Variants in SEMA3A observed in about 807,000 individuals in gnomAD.
SEMA3A encodes the protein semaphorin-3A.
SEMA3A carries 29 observed loss-of-function variants against 97.9 expected under a neutral mutation model. That is an observed-to-expected ratio of 0.30 (90% CI 0.22 to 0.40). SEMA3A has a LOEUF of 0.40. Among genes scored for constraint, SEMA3A ranks in the 10% least tolerant of loss-of-function variants. The pLI, the probability that SEMA3A is intolerant of heterozygous loss-of-function variation, is 1.00. For missense variants in SEMA3A, 763 were observed against 951.3 expected, an observed-to-expected ratio of 0.80 and a Z score of 2.60; for synonymous variants, 321 against 323.7, an observed-to-expected ratio of 0.99 and a Z score of 0.09.
At chr7:83,995,304 C>T (rs1209781254) in intron 12 of SEMA3A, among the ~76,000 whole-genome samples, 1 of 152,126 alleles carries the variant, frequency 6.6e-6, no homozygotes, top group Non-Finnish European at 1.5e-5. Flanking sequence ...GAGCTGTAGA[C>T]CGAAGCTGTT....
chr7:84,224,117 T>TAATTTAATC (rs1798938457), intron 3 of SEMA3A, among the ~76,000 whole-genome samples: 1 of 151,984 alleles, frequency 6.6e-6, no homozygotes, highest in African/African-American at 2.4e-5. Flanking sequence ...CCCCCATCTT[T>TAATTTAATC]AATTTAATCA....
intron 2 of SEMA3A, among the ~76,000 whole-genome samples, chr7:84,355,875 C>G (rs1044033005): frequency 6.6e-6 from 1 of 151,776 alleles, no homozygotes; most frequent in Non-Finnish European, 1.5e-5. Flanking sequence ...AACACATATT[C>G]CTTGGCCAAT....
At position 84,348,389 on chromosome 7, in the gene SEMA3A, G is replaced by GT. The variant is rs531933175; in HGVS notation, c.-169+23434dup. On this transcript the variant is annotated intron_variant, in intron 2 of 3. Coordinates refer to the SEMA3A transcript ENST00000424555. ...TCTCTTAGCATTAGCTAACATTTCT[G>GT]TTTACCTTTTTGGTTTAAGAGATTA... 2.6e-3 allele frequency among the ~76,000 whole-genome samples: 391 copies of GT among 152,078 alleles called. 1 individual carries two copies. Among genetic ancestry groups the GT allele is most frequent in the Middle Eastern group, 6.8e-3 (2 of 292 alleles).
intron 1 of SEMA3A, among the ~76,000 whole-genome samples, chr7:84,387,523 C>T (rs965452855): frequency 2.0e-5 from 3 of 152,052 alleles, no homozygotes; most frequent in South Asian, 2.1e-4. Context: ...AAAAACCTAA[C>T]GGTAATTATG....
intron 3 of SEMA3A, among the ~76,000 whole-genome samples, chr7:84,239,148 G>A (rs966406511): frequency 9.9e-5 from 15 of 152,036 alleles, no homozygotes; most frequent in Non-Finnish European, 1.8e-4. Context: ...ACATATTTCA[G>A]AATAGTCTGC....
intron 2 of SEMA3A, among the ~76,000 whole-genome samples, chr7:84,355,867 C>T (rs1262094766): frequency 6.6e-6 from 1 of 151,812 alleles, no homozygotes; most frequent in Non-Finnish European, 1.5e-5. Context: ...AATTTCTTAA[C>T]ACATATTCCT....
chr7:84,061,407 C>T (rs115190674), intron 4 of SEMA3A, among the ~76,000 whole-genome samples: 2,175 of 152,212 alleles, frequency 0.014, 51 homozygotes, highest in African/African-American at 0.05. Context: ...AATGTGTCTA[C>T]CTACTGCACT....
intron 3 of SEMA3A, among the ~76,000 whole-genome samples, chr7:84,254,867 ATGAAC>A (rs2115630377): frequency 6.6e-6 from 1 of 152,282 alleles, no homozygotes; most frequent in East Asian, 1.9e-4. Flanking sequence ...GCCTACACAT[ATGAAC>A]CAAAAGACAT....
intron 2 of SEMA3A, among the ~76,000 whole-genome samples, chr7:84,357,682 C>A (rs150582044): frequency 0.25 from 37,288 of 151,624 alleles, 4,944 homozygotes; most frequent in South Asian, 0.36. Flanking sequence ...GATAGTATTT[C>A]TAGTTCTAGA....
chr7:84,078,848 T>G (rs2115787641), intron 4 of SEMA3A, among the ~76,000 whole-genome samples: 1 of 152,178 alleles, frequency 6.6e-6, no homozygotes, highest in Admixed American at 6.5e-5. Flanking sequence ...ATGTCTAAAT[T>G]AAGTGTTGAA....
intron 1 of SEMA3A, among the ~76,000 whole-genome samples, chr7:84,434,429 G>C (rs1005102389): frequency 6.6e-6 from 1 of 151,954 alleles, no homozygotes; most frequent in Non-Finnish European, 1.5e-5. Flanking sequence ...AATTCTACTA[G>C]ACATATAAAA....
chr7:84,408,098 G>GA (rs1804154761), intron 1 of SEMA3A, among the ~76,000 whole-genome samples: 2 of 152,126 alleles, frequency 1.3e-5, no homozygotes, highest in Admixed American at 6.6e-5. Context: ...CCATCAGAGT[G>GA]AATAGGCAAC....
At chr7:84,470,420 A>C (rs1181158618) in intron 1 of SEMA3A, among the ~76,000 whole-genome samples, 1 of 152,110 alleles carries the variant, frequency 6.6e-6, no homozygotes, top group African/African-American at 2.4e-5. Context: ...GATTCTGTGA[A>C]CAGAAGAAGA....
At chr7:84,441,014 C>T (rs572325224) in intron 1 of SEMA3A, among the ~76,000 whole-genome samples, 17 of 151,946 alleles carry the variant, frequency 1.1e-4, no homozygotes, top group Middle Eastern at 3.4e-3. Context: ...CAAAATTATC[C>T]GGGCGTCGGG....
chr7:84,487,990 TTGTGTTTGTAAAAGTAAACTA>T (rs1806620622), intron 1 of SEMA3A, among the ~76,000 whole-genome samples: 1 of 152,104 alleles, frequency 6.6e-6, no homozygotes, highest in Non-Finnish European at 1.5e-5. Flanking sequence ...GTAAGTCTGC[TTGTGTTTGTAAAAGTAAACTA>T]TGTGTTGGTT....
intron 4 of SEMA3A, among the ~76,000 whole-genome samples, chr7:84,061,219 A>G (rs566235836): frequency 5.9e-5 from 9 of 152,292 alleles, no homozygotes; most frequent in Non-Finnish European, 1.2e-4. Context: ...TAACAAGCAC[A>G]TTATTACCAC....
chr7:84,404,824 C>T (rs1316428825), intron 1 of SEMA3A, among the ~76,000 whole-genome samples: 4 of 152,024 alleles, frequency 2.6e-5, no homozygotes, highest in Admixed American at 6.6e-5. Flanking sequence ...AAATAAAATA[C>T]TTTACAGACA....
intron 1 of SEMA3A, among the ~76,000 whole-genome samples, chr7:84,136,293 G>A (rs769759052): frequency 2.6e-5 from 4 of 152,052 alleles, no homozygotes; most frequent in South Asian, 2.1e-4. Context: ...CCATGTGATT[G>A]ATTGCCTTGC....
intron 3 of SEMA3A, among the ~76,000 whole-genome samples, chr7:84,215,440 T>A (rs1319368707): frequency 6.6e-6 from 1 of 151,802 alleles, no homozygotes; most frequent in African/African-American, 2.4e-5. Context: ...CGCCCCCCCC[T>A]TGGCCTCCCA....
Sources: allele counts gnomAD v4.1 joint callset (sites outside exome capture counted in the v4.1 genomes callset), GRCh38; gene constraint gnomAD v4.1.1; transcripts MANE v1.5; gene names NCBI Gene and HGNC (gene_info 2026-07-23, HGNC 2026-07-21).